Variants in RNF38 observed in about 807,000 individuals in gnomAD.
RNF38 encodes ring finger protein 38.
Under a neutral mutation model 67.2 loss-of-function variants are expected in RNF38, and 15 were observed. The ratio of observed to expected loss-of-function variants is 0.22; its 90% CI spans 0.15 to 0.34. The LOEUF (loss-of-function observed/expected upper bound fraction) is 0.34, where lower values mean the gene tolerates loss of function less well. Among genes scored for constraint, RNF38 ranks in the 10% least tolerant of loss-of-function variants. RNF38 has a pLI of 1.00. For missense variants in RNF38, 524 were observed against 639.9 expected (o/e 0.82, Z 1.95); for synonymous variants, 220 against 218.8 (o/e 1.01, Z -0.05).
At chr9:36,384,406 C>A (rs1427474692) in intron 2 of RNF38, among the ~76,000 whole-genome samples, 1 of 152,130 alleles carries the variant, frequency 6.6e-6, no homozygotes, top group Non-Finnish European at 1.5e-5. Flanking sequence ...CATGAAGCTG[C>A]AGACATAGAC....
At chr9:36,403,601 G>T (rs1838111409), upstream of RNF38, among the ~76,000 whole-genome samples, 2 of 152,170 alleles carry the variant, frequency 1.3e-5, no homozygotes, top group South Asian at 4.1e-4. Flanking sequence ...CAAGTCATTT[G>T]AGTCCCTTCA....
At chr9:36,466,020 T>C (rs554840255) in intron 1 of RNF38, among the ~76,000 whole-genome samples, 71 of 152,206 alleles carry the variant, frequency 4.7e-4, no homozygotes, top group Non-Finnish European at 9.0e-4. Flanking sequence ...CCACTGCACT[T>C]GAGCCTGGGC....
At chr9:36,454,295 G>A (rs1345865720) in intron 1 of RNF38, among the ~76,000 whole-genome samples, 2 of 151,660 alleles carry the variant, frequency 1.3e-5, no homozygotes, top group Admixed American at 6.6e-5. Context: ...GGCTAATTTT[G>A]TTTTGTATTT....
At chr9:36,368,801 A>AT (rs947230346) in intron 4 of RNF38, among the ~76,000 whole-genome samples, 26 of 151,768 alleles carry the variant, frequency 1.7e-4, no homozygotes, top group Admixed American at 8.5e-4. Flanking sequence ...TTCTCTGGTA[A>AT]TTTTTTTTGG....
intron 1 of RNF38, among the ~76,000 whole-genome samples, chr9:36,434,267 G>T (rs1419856345): frequency 2.5e-5 from 3 of 118,932 alleles, no homozygotes; most frequent in Non-Finnish European, 5.3e-5. Context: ...GGAGAGGGGA[G>T]GGGGGGAAGG....
chr9:36,389,490 C>T (rs574041325), intron 2 of RNF38, among the ~76,000 whole-genome samples: 1 of 152,144 alleles, frequency 6.6e-6, no homozygotes, highest in African/African-American at 2.4e-5. Context: ...GATTAGACAC[C>T]TCACTGAGCT....
At chr9:36,400,690 C>A (rs879858891), upstream of RNF38, 6 of 985,880 alleles carry the variant, frequency 6.1e-6, no homozygotes, top group Middle Eastern at 5.2e-4. Context: ...CCCCCGGAAC[C>A]CCGGCTCCAA....
chr9:36,453,010 G>GT (rs1839494732), intron 1 of RNF38, among the ~76,000 whole-genome samples: 2 of 152,100 alleles, frequency 1.3e-5, no homozygotes, highest in Non-Finnish European at 2.9e-5. Context: ...ATTACGTTGG[G>GT]TATCTAGGAG....
At chr9:36,462,457 C>T (rs147637829) in intron 1 of RNF38, among the ~76,000 whole-genome samples, 13 of 152,284 alleles carry the variant, frequency 8.5e-5, no homozygotes, top group Non-Finnish European at 1.5e-4. Flanking sequence ...CACTCCTCTG[C>T]TCAGTGATCT....
intron 1 of RNF38, among the ~76,000 whole-genome samples, chr9:36,458,597 C>T (rs779180715): frequency 2.5e-4 from 38 of 152,040 alleles, no homozygotes; most frequent in South Asian, 8.3e-4. Flanking sequence ...ACACTCACTG[C>T]GAAGATCTGC....
In RNF38 at chr9:36,376,075, T is replaced by C; in HGVS notation, c.215A>G (p.Asp72Gly). Residue 72 changes from aspartate to glycine, a missense_variant, in exon 3 of 12, where the codon GAT becomes GGT. Transcript: ENST00000259605. The part of the protein sequence containing the change: ...KRQRLSHSVF[D>G]YTSASPAPSP... The stretch of plus-strand genomic sequence containing the variant: ...GGGAGCTGGTGATGCTGATGTATAA[T>C]CAAAGACTGAATGAGAGAGGCGCTG... The C allele has an allele frequency of 6.2e-7, 1 of 1,611,882 alleles. No homozygotes were observed. The highest frequency in any genetic ancestry group is 8.5e-7 in the Non-Finnish European group (1 of 1,179,360).
At chr9:36,347,893 G>A (rs751765910) in intron 9 of RNF38, among the ~76,000 whole-genome samples, 5 of 151,858 alleles carry the variant, frequency 3.3e-5, no homozygotes, top group Non-Finnish European at 2.9e-5. Flanking sequence ...TGGCTAACAC[G>A]GTGAAACCCC....
intron 2 of RNF38, among the ~76,000 whole-genome samples, chr9:36,415,992 G>A (rs746381533): frequency 2.6e-5 from 4 of 151,644 alleles, no homozygotes; most frequent in African/African-American, 4.8e-5. Flanking sequence ...AGTACGGGGC[G>A]GGGGATACAA....
At chr9:36,487,343 T>A in exon 1 of RNF38, 1 of 984,910 alleles carries the variant, frequency 1.0e-6, no homozygotes, top group Middle Eastern at 5.2e-4. Context: ...GCCGCCACCC[T>A]GGGCTCCCGC....
intron 2 of RNF38, among the ~76,000 whole-genome samples, chr9:36,412,386 T>C (rs543350746): frequency 9.8e-4 from 149 of 152,354 alleles, no homozygotes; most frequent in African/African-American, 3.0e-3. Context: ...TTGAAGGCCA[T>C]CTTCAACACC....
chr9:36,407,193 GC>G (rs1345204504), intron 2 of RNF38, among the ~76,000 whole-genome samples: 1 of 152,212 alleles, frequency 6.6e-6, no homozygotes, highest in Admixed American at 6.5e-5. Flanking sequence ...TTAATTAGTA[GC>G]AGCTGCCGGC....
chr9:36,416,742 A>T (rs59893421), intron 2 of RNF38, among the ~76,000 whole-genome samples: 1,186 of 63,204 alleles, frequency 0.019, 8 homozygotes, highest in Middle Eastern at 0.037. Flanking sequence ...CTGCCTCGAT[A>T]TTTTTTTTTT....
chr9:36,403,049 A>G (rs1838094361), upstream of RNF38, among the ~76,000 whole-genome samples: 1 of 152,032 alleles, frequency 6.6e-6, no homozygotes, highest in Non-Finnish European at 1.5e-5. Context: ...GTCCTCCCAT[A>G]TTGGCCTCCC....
upstream of RNF38, among the ~76,000 whole-genome samples, chr9:36,405,052 C>A (rs1393709610): frequency 6.6e-6 from 1 of 152,076 alleles, no homozygotes; most frequent in Non-Finnish European, 1.5e-5. Flanking sequence ...AGGCAGATCA[C>A]CTGAGGTCAG....
Sources: allele counts gnomAD v4.1 joint callset (sites outside exome capture counted in the v4.1 genomes callset), GRCh38; gene constraint gnomAD v4.1.1; transcripts MANE v1.5; gene names NCBI Gene and HGNC (gene_info 2026-07-23, HGNC 2026-07-21).